Variants in FHIT observed in about 807,000 individuals in gnomAD.
FHIT encodes bis(5'-adenosyl)-triphosphatase.
In FHIT, 19 loss-of-function variants were observed where a neutral mutation model predicts 17.9. The observed-to-expected ratio is 1.06, with a 90% CI of 0.74 to 1.56. FHIT has a LOEUF of 1.56. Among genes scored for constraint, FHIT ranks in the 40% most tolerant of loss-of-function variants. The pLI is 0.00. For missense variants in FHIT, 248 were observed against 189.2 expected, an observed-to-expected ratio of 1.31 and a Z score of -1.82; for synonymous variants, 81 against 69.7, an observed-to-expected ratio of 1.16 and a Z score of -0.81.
intron 5 of FHIT, among the ~76,000 whole-genome samples, chr3:60,231,266 C>A (rs1704482817): frequency 6.6e-6 from 1 of 152,200 alleles, no homozygotes; most frequent in South Asian, 2.1e-4. Flanking sequence ...GAAGCGCACA[C>A]ATATCCAATA....
chr3:60,903,016 C>G (rs1342741558), intron 3 of FHIT, among the ~76,000 whole-genome samples: 1 of 152,220 alleles, frequency 6.6e-6, no homozygotes, highest in Non-Finnish European at 1.5e-5. Context: ...ATTCTCTTTA[C>G]TCCTATAAAC....
At chr3:60,221,831 A>AT (rs1367619176) in intron 5 of FHIT, among the ~76,000 whole-genome samples, 1 of 151,160 alleles carries the variant, frequency 6.6e-6, no homozygotes, top group Non-Finnish European at 1.5e-5. Context: ...TGTAGCAACC[A>AT]TTTTTTCCCA....
chr3:60,392,096 T>G (rs1452596737), intron 5 of FHIT, among the ~76,000 whole-genome samples: 1 of 152,206 alleles, frequency 6.6e-6, no homozygotes, highest in Non-Finnish European at 1.5e-5. Context: ...ATCCTATGCA[T>G]AGATTTCAAA....
At chr3:60,615,536 G>A (rs1297522417) in intron 4 of FHIT, among the ~76,000 whole-genome samples, 7 of 152,152 alleles carry the variant, frequency 4.6e-5, no homozygotes, top group African/African-American at 1.4e-4. Context: ...ACAGCCATTC[G>A]TCAGAGCAAA....
rs1044577596 is a variant in FHIT at position 60,341,105 on chromosome 3, G to A, written c.103+195755C>T. Among the ~76,000 whole-genome samples, 6 of 152,186 alleles carry A rather than the reference G, an allele frequency of 3.9e-5. No homozygotes were observed. The East Asian group carries it at 7.7e-4, about 20-fold the overall frequency. ...TCTGCAGATCCACAGAGCCAAATGCGGGACTTGAGTATTCACGGATTTTGT... is the reference window on the plus strand; with the variant it reads ...TCTGCAGATCCACAGAGCCAAATGCAGGACTTGAGTATTCACGGATTTTGT... On this transcript the variant is annotated intron_variant, in intron 5 of 9. Transcript: ENST00000492590.
At chr3:60,645,210 T>C (rs978535754) in intron 4 of FHIT, among the ~76,000 whole-genome samples, 4 of 152,138 alleles carry the variant, frequency 2.6e-5, no homozygotes, top group Admixed American at 2.6e-4. Flanking sequence ...AGTCCAGAAC[T>C]GATCCCCAGG....
At chr3:60,107,138 A>C (rs1300435149) in intron 5 of FHIT, among the ~76,000 whole-genome samples, 1 of 146,492 alleles carries the variant, frequency 6.8e-6, no homozygotes, top group Non-Finnish European at 1.5e-5. Flanking sequence ...TTAACCTTTA[A>C]AAGCTTTAAT....
chr3:59,850,921 G>T (rs963273029), intron 8 of FHIT, among the ~76,000 whole-genome samples: 1 of 152,182 alleles, frequency 6.6e-6, no homozygotes, highest in Non-Finnish European at 1.5e-5. Flanking sequence ...TGTCACCAAA[G>T]CTCCCCTTCG....
chr3:60,560,332 A>T (rs531870178), intron 4 of FHIT, among the ~76,000 whole-genome samples: 93 of 152,174 alleles, frequency 6.1e-4, no homozygotes, highest in African/African-American at 2.1e-3. Flanking sequence ...TCTGTCTTAC[A>T]TATTAGATAA....
intron 7 of FHIT, among the ~76,000 whole-genome samples, chr3:59,957,305 A>C (rs1707453562): frequency 6.6e-6 from 1 of 152,216 alleles, no homozygotes; most frequent in Admixed American, 6.5e-5. Flanking sequence ...TGCATTCGAG[A>C]GAAAAGATTG....
Position 61,214,391 on chromosome 3 carries a change from A to G in FHIT, c.-212-13726T>C, listed in dbSNP as rs566461439. On this transcript the variant is annotated intron_variant, in intron 1 of 9. Coordinates refer to ENST00000492590, the MANE Select transcript of FHIT (RefSeq NM_002012.4). ...ATACTACAAACACCTCTGCACAAAT[A>G]AACTAGAAAATCTAGAAGAAATGGA... 7.9e-5 allele frequency among the ~76,000 whole-genome samples: 12 copies of G among 152,378 alleles called. No homozygotes were observed. The South Asian group carries it at 2.5e-3, about 32-fold the overall frequency.
At chr3:59,768,902 G>A (rs894578096) in intron 8 of FHIT, among the ~76,000 whole-genome samples, 4 of 144,900 alleles carry the variant, frequency 2.8e-5, no homozygotes, top group African/African-American at 1.2e-4. Flanking sequence ...ATCTTAAAAT[G>A]TAACTATATT....
chr3:60,279,112 A>G (rs1325744611), intron 5 of FHIT, among the ~76,000 whole-genome samples: 1 of 152,148 alleles, frequency 6.6e-6, no homozygotes, highest in African/African-American at 2.4e-5. Context: ...ATTATTTTCA[A>G]AAGATCAATA....
chr3:60,390,397 A>T (rs867821226), intron 5 of FHIT, among the ~76,000 whole-genome samples: 4 of 5,018 alleles, frequency 8.0e-4, no homozygotes, highest in South Asian at 0.012. Flanking sequence ...TAATGGAGCT[A>T]AAAAAAAAAA....
At chr3:60,146,997 G>A (rs892526995) in intron 5 of FHIT, among the ~76,000 whole-genome samples, 10 of 152,086 alleles carry the variant, frequency 6.6e-5, no homozygotes, top group African/African-American at 1.7e-4. Context: ...GCCATAAATC[G>A]TACATCTCCA....
chr3:60,728,724 C>CAT (rs1371006810), intron 4 of FHIT, among the ~76,000 whole-genome samples: 1 of 151,168 alleles, frequency 6.6e-6, no homozygotes, highest in Admixed American at 6.6e-5. Flanking sequence ...CACACACACA[C>CAT]ACACACAATT....
intron 3 of FHIT, among the ~76,000 whole-genome samples, chr3:60,936,703 T>C (rs1359804160): frequency 6.6e-6 from 1 of 152,198 alleles, no homozygotes; most frequent in East Asian, 1.9e-4. Context: ...TTTCTAAAAT[T>C]AACTGTTGTG....
intron 3 of FHIT, among the ~76,000 whole-genome samples, chr3:60,996,003 C>A (rs992118111): frequency 6.6e-6 from 1 of 152,172 alleles, no homozygotes; most frequent in Non-Finnish European, 1.5e-5. Context: ...ATTTAACCTT[C>A]CCAGAAAATG....
chr3:61,219,614 G>A (rs1457792740), intron 1 of FHIT, among the ~76,000 whole-genome samples: 1 of 152,016 alleles, frequency 6.6e-6, no homozygotes, highest in African/African-American at 2.4e-5. Flanking sequence ...TTCTAGAGCA[G>A]ACAAACTCTG....
Sources: gnomAD v4.1 joint callset for allele counts (sites outside exome capture counted in the v4.1 genomes callset) on GRCh38, gnomAD v4.1.1 for gene constraint, MANE v1.5 for transcripts, NCBI Gene and HGNC (gene_info 2026-07-23, HGNC 2026-07-21) for gene names.